Variants in ARHGAP24 observed in about 807,000 individuals in gnomAD.
ARHGAP24 encodes the protein rho GTPase-activating protein 24.
Under a neutral mutation model 76.4 loss-of-function variants are expected in ARHGAP24, and 50 were observed. The observed-to-expected ratio is 0.65, with a 90% CI of 0.52 to 0.83. ARHGAP24 has a LOEUF of 0.83. Among genes scored for constraint, ARHGAP24 ranks in the 40% least tolerant of loss-of-function variants. ARHGAP24 has a pLI of 0.00. For missense variants in ARHGAP24, 930 were observed against 914.2 expected, an observed-to-expected ratio of 1.02 and a Z score of -0.22; for synonymous variants, 345 against 323.3, an observed-to-expected ratio of 1.07 and a Z score of -0.72.
In ARHGAP24 at chr4:85,690,210, TTCAGAGATATTCA is replaced by T. The variant is rs1270197044; in HGVS notation, c.181-31650_181-31638del. Among the ~76,000 whole-genome samples, 54 of 130,490 alleles carry T rather than the reference TTCAGAGATATTCA, an allele frequency of 4.1e-4. 1 individual carries two copies. Among genetic ancestry groups the T allele is most frequent in the Admixed American group, 1.6e-3 (19 of 11,516 alleles). 85.6% of individuals were successfully genotyped at this position (130,490 alleles called of 152,430 possible). A position where few individuals can be genotyped will look rare whatever the true frequency, so the allele number is the denominator to read the frequency against. On this transcript the variant is annotated intron_variant, in intron 2 of 9. Coordinates refer to ENST00000395184, the MANE Select transcript of ARHGAP24 (RefSeq NM_001025616.3). ...GTTGCGGATTTTTGCATTGATATTCTTCAGAGATATTCATCAGAGATATTCATCAGAGATATTT... is the reference window on the plus strand; with the variant it reads ...GTTGCGGATTTTTGCATTGATATTCTTCAGAGATATTCATCAGAGATATTT...
chr4:85,621,737 T>C (rs181167988), intron 2 of ARHGAP24, among the ~76,000 whole-genome samples: 8 of 152,304 alleles, frequency 5.3e-5, no homozygotes, highest in Admixed American at 4.6e-4. Flanking sequence ...TGTTGACAGT[T>C]TATTCTGCTG....
In ARHGAP24 at chr4:85,486,280, G is replaced by GT. The variant is rs963682306; in HGVS notation, c.-21+10731dup. 2.4e-3 allele frequency among the ~76,000 whole-genome samples: 363 copies of GT among 148,298 alleles called. 3 individuals are homozygous for GT. The highest frequency in any genetic ancestry group is 7.3e-3 in the African/African-American group (296 of 40,452). ...GAGGAATTTGAAAATGTATGAGGGT[G>GT]TTTTTTTTTTATCTTGACAATGACT... is the stretch of plus-strand genomic sequence containing the variant. On this transcript the variant is annotated intron_variant, in intron 1 of 9. Transcript: ENST00000395184.
At chr4:85,881,795 G>C (rs1306264958) in intron 3 of ARHGAP24, among the ~76,000 whole-genome samples, 1 of 152,062 alleles carries the variant, frequency 6.6e-6, no homozygotes. Flanking sequence ...GTTCCCTTTG[G>C]TCCCTGCTCT....
intron 4 of ARHGAP24, chr4:85,930,763 T>A: frequency 7.2e-7 from 1 of 1,381,594 alleles, no homozygotes; most frequent in South Asian, 1.8e-5. Flanking sequence ...AAATGAGAGG[T>A]GGTAACTTAT....
chr4:85,620,871 T>C (rs997649336), intron 2 of ARHGAP24, among the ~76,000 whole-genome samples: 39 of 152,050 alleles, frequency 2.6e-4, no homozygotes, highest in African/African-American at 9.2e-4. Context: ...CTATTGAACT[T>C]ACCACTCAGA....
chr4:85,698,752 G>A (rs1406276844), intron 2 of ARHGAP24, among the ~76,000 whole-genome samples: 7 of 152,252 alleles, frequency 4.6e-5, no homozygotes, highest in South Asian at 2.1e-4. Context: ...GACAAAGAGC[G>A]ACCTAGCAAG....
intron 2 of ARHGAP24, among the ~76,000 whole-genome samples, chr4:85,721,134 G>T (rs979235936): frequency 6.6e-6 from 1 of 152,180 alleles, no homozygotes; most frequent in South Asian, 2.1e-4. Context: ...GGTGGCTCAT[G>T]CCTGTAATCC....
chr4:85,784,545 G>A (rs1727717640), intron 3 of ARHGAP24, among the ~76,000 whole-genome samples: 1 of 151,920 alleles, frequency 6.6e-6, no homozygotes, highest in Non-Finnish European at 1.5e-5. Flanking sequence ...AGGATCTTCA[G>A]CTTGGCAGCA....
intron 3 of ARHGAP24, among the ~76,000 whole-genome samples, chr4:85,873,482 G>A (rs1732655760): frequency 6.6e-6 from 1 of 152,134 alleles, no homozygotes; most frequent in Admixed American, 6.6e-5. Context: ...TTCGTGCAGT[G>A]CAGAGGATTT....
rs548246848 is a variant in ARHGAP24, at chr4:85,726,934, C to T, written c.268+4962C>T. On this transcript the variant is annotated intron_variant, in intron 3 of 9. Transcript: ENST00000395184. ...CTGTAATCCCAAAATTTTGGGAGGC[C>T]GAGGTAGGGGTATCACCTGAGGTGA... Among the ~76,000 whole-genome samples, 40 of 152,126 alleles carry T rather than the reference C, an allele frequency of 2.6e-4. No individual in the cohort carries two copies. The South Asian group carries it at 4.1e-3, about 16-fold the overall frequency.
intron 3 of ARHGAP24, among the ~76,000 whole-genome samples, chr4:85,787,145 C>T (rs984613985): frequency 2.6e-5 from 4 of 152,136 alleles, no homozygotes; most frequent in African/African-American, 7.2e-5. Context: ...ACAGATTGCC[C>T]GGCCTGTCGC....
chr4:85,822,737 A>G (rs1729531448), intron 3 of ARHGAP24, among the ~76,000 whole-genome samples: 1 of 152,204 alleles, frequency 6.6e-6, no homozygotes, highest in South Asian at 2.1e-4. Flanking sequence ...TGAATGTATT[A>G]TGCTCTTTAT....
chr4:85,824,574 C>A (rs1285298542), intron 3 of ARHGAP24, among the ~76,000 whole-genome samples: 1 of 152,134 alleles, frequency 6.6e-6, no homozygotes, highest in Non-Finnish European at 1.5e-5. Flanking sequence ...TTATTCTCCT[C>A]ACTGATTGCA....
At chr4:85,579,565 G>T (rs566450592) in intron 2 of ARHGAP24, among the ~76,000 whole-genome samples, 1 of 143,724 alleles carries the variant, frequency 7.0e-6, no homozygotes, top group East Asian at 2.1e-4. Context: ...AAATCCAGCT[G>T]CTTCTCGTTT....
At chr4:85,800,663 C>A (rs1728541912) in intron 3 of ARHGAP24, among the ~76,000 whole-genome samples, 1 of 152,140 alleles carries the variant, frequency 6.6e-6, no homozygotes, top group African/African-American at 2.4e-5. Flanking sequence ...GAATACAAAT[C>A]TTATTTCATT....
At chr4:85,796,147 T>C (rs1728330047) in intron 3 of ARHGAP24, among the ~76,000 whole-genome samples, 1 of 152,078 alleles carries the variant, frequency 6.6e-6, no homozygotes, top group Admixed American at 6.6e-5. Context: ...TGCACCAACC[T>C]ATACATTCTT....
At chr4:85,476,401 C>T (rs986992877) in intron 1 of ARHGAP24, among the ~76,000 whole-genome samples, 3 of 152,120 alleles carry the variant, frequency 2.0e-5, no homozygotes, top group Admixed American at 2.0e-4. Flanking sequence ...CAAGTAATTT[C>T]TGTTTCCAGC....
intron 9 of ARHGAP24, among the ~76,000 whole-genome samples, chr4:85,996,502 T>A (rs2589504): frequency 1.3e-5 from 2 of 152,000 alleles, no homozygotes; most frequent in Admixed American, 1.3e-4. Context: ...GATCCTCAGT[T>A]GGTTGTTAAG....
intron 3 of ARHGAP24, among the ~76,000 whole-genome samples, chr4:85,888,278 G>A (rs1277215804): frequency 1.3e-5 from 2 of 151,778 alleles, no homozygotes; most frequent in Non-Finnish European, 2.9e-5. Flanking sequence ...GCGCACACTT[G>A]TAATCCGGCT....
Sources: allele counts gnomAD v4.1 joint callset (sites outside exome capture counted in the v4.1 genomes callset), GRCh38; gene constraint gnomAD v4.1.1; transcripts MANE v1.5; gene names NCBI Gene and HGNC (gene_info 2026-07-23, HGNC 2026-07-21).